Variants in KCTD8 observed in about 807,000 individuals in gnomAD.
KCTD8 encodes potassium channel tetramerization domain containing 8, also known as BTB/POZ domain-containing protein KCTD8.
KCTD8 carries 27 observed loss-of-function variants against 31.5 expected under a neutral mutation model. The ratio of observed to expected loss-of-function variants is 0.86; its 90% CI spans 0.63 to 1.18. KCTD8 has a LOEUF of 1.18. Ranked by LOEUF, KCTD8 falls within the 50% of genes most tolerant of loss-of-function variation. The pLI is 0.00. For missense variants in KCTD8, 658 were observed against 647.7 expected (o/e 1.02, Z -0.17); for synonymous variants, 290 against 280.0 (o/e 1.04, Z -0.36).
intron 1 of KCTD8, among the ~76,000 whole-genome samples, chr4:44,231,971 A>G (rs1022323242): frequency 6.6e-6 from 1 of 152,184 alleles, no homozygotes. Context: ...ATAATGGAGT[A>G]AACAGCTTGA....
intron 1 of KCTD8, among the ~76,000 whole-genome samples, chr4:44,257,365 GA>G (rs1206067526): frequency 6.6e-6 from 1 of 151,880 alleles, no homozygotes; most frequent in Non-Finnish European, 1.5e-5. Flanking sequence ...TAAGTTAATC[GA>G]AAATATTAAC....
chr4:44,204,859 TA>T (rs1714256254), intron 1 of KCTD8, among the ~76,000 whole-genome samples: 1 of 151,994 alleles, frequency 6.6e-6, no homozygotes, highest in Non-Finnish European at 1.5e-5. Flanking sequence ...ATGGTTTATC[TA>T]AAACTGGAAA....
chr4:44,211,800 C>A (rs1714492158), intron 1 of KCTD8, among the ~76,000 whole-genome samples: 1 of 151,708 alleles, frequency 6.6e-6, no homozygotes, highest in Non-Finnish European at 1.5e-5. Context: ...AAAAATATCC[C>A]CAATGTTAGT....
chr4:44,221,915 C>T (rs1338703168), intron 1 of KCTD8, among the ~76,000 whole-genome samples: 1 of 152,100 alleles, frequency 6.6e-6, no homozygotes, highest in African/African-American at 2.4e-5. Flanking sequence ...TCATTCAATC[C>T]AATCAAGTTG....
intron 1 of KCTD8, among the ~76,000 whole-genome samples, chr4:44,366,351 C>T (rs1295223926): frequency 6.6e-6 from 1 of 152,100 alleles, no homozygotes; most frequent in Non-Finnish European, 1.5e-5. Context: ...GTGGATTTCC[C>T]TTTTGCTGTT....
intron 1 of KCTD8, among the ~76,000 whole-genome samples, chr4:44,411,225 G>C (rs972976792): frequency 1.3e-5 from 2 of 151,884 alleles, no homozygotes; most frequent in African/African-American, 4.8e-5. Flanking sequence ...TCTACAAAAA[G>C]TAGTTAACCA....
Position 44,364,114 on chromosome 4 carries a change from G to T in KCTD8, c.961+83449C>A, listed in dbSNP as rs538451334. On this transcript the variant is annotated intron_variant, in intron 1 of 1. Transcript: ENST00000360029. ...AAATCAAAATTAAAAACTTCTGTTTGTCAAAAGACAATGTTAAGACAATGA... is the reference window on the plus strand; with the variant it reads ...AAATCAAAATTAAAAACTTCTGTTTTTCAAAAGACAATGTTAAGACAATGA... Among the ~76,000 whole-genome samples, 10 of 152,130 alleles carry T rather than the reference G, an allele frequency of 6.6e-5. No homozygotes were observed. The South Asian group carries it at 2.1e-3, about 31-fold the overall frequency.
At chr4:44,282,915 T>C (rs1170740211) in intron 1 of KCTD8, among the ~76,000 whole-genome samples, 2 of 151,912 alleles carry the variant, frequency 1.3e-5, no homozygotes, top group African/African-American at 4.8e-5. Context: ...ACTATTTCTA[T>C]AACAGAAAAA....
At chr4:44,394,162 C>T (rs956720834) in intron 1 of KCTD8, among the ~76,000 whole-genome samples, 86 of 151,966 alleles carry the variant, frequency 5.7e-4, no homozygotes, top group Non-Finnish European at 9.9e-4. Flanking sequence ...TCAAATGATT[C>T]AGAACAAAAA....
rs546240900 is a variant in KCTD8, at chr4:44,340,608, C to T, written c.961+106955G>A. Among the ~76,000 whole-genome samples, 6 of 152,000 alleles carry T rather than the reference C, an allele frequency of 3.9e-5. No homozygotes were observed. In the South Asian group the frequency reaches 8.3e-4, roughly 21 times the overall value. On this transcript the variant is annotated intron_variant, in intron 1 of 1. Coordinates refer to ENST00000360029, the MANE Select transcript of KCTD8 (RefSeq NM_198353.3). ...ACAGGCGTGAGCCACCACGCCCGGCCGACATATGTACATTTTAAAGATCGA... is the reference window on the plus strand; with the variant it reads ...ACAGGCGTGAGCCACCACGCCCGGCTGACATATGTACATTTTAAAGATCGA...
At chr4:44,184,199 G>C (rs1713512662) in intron 1 of KCTD8, among the ~76,000 whole-genome samples, 1 of 152,122 alleles carries the variant, frequency 6.6e-6, no homozygotes, top group South Asian at 2.1e-4. Flanking sequence ...AATAAAAAGA[G>C]GCTGATTTGT....
intron 1 of KCTD8, among the ~76,000 whole-genome samples, chr4:44,355,066 T>C (rs1719307014): frequency 6.6e-6 from 1 of 152,136 alleles, no homozygotes; most frequent in South Asian, 2.1e-4. Context: ...AACTAAATAT[T>C]CAAGTAGAAA....
intron 1 of KCTD8, among the ~76,000 whole-genome samples, chr4:44,422,050 T>C (rs1019600918): frequency 6.6e-6 from 1 of 152,144 alleles, no homozygotes; most frequent in Non-Finnish European, 1.5e-5. Flanking sequence ...TACATTTCTA[T>C]ACTTAATGTA....
chr4:44,439,772 T>A (rs557721561), intron 1 of KCTD8, among the ~76,000 whole-genome samples: 2 of 152,040 alleles, frequency 1.3e-5, no homozygotes, highest in Non-Finnish European at 2.9e-5. Context: ...GCATCTAAGA[T>A]TTTTTTAAAG....
intron 1 of KCTD8, among the ~76,000 whole-genome samples, chr4:44,244,730 C>A (rs1341437013): frequency 1.3e-5 from 2 of 151,958 alleles, no homozygotes; most frequent in Non-Finnish European, 2.9e-5. Flanking sequence ...AAAGATGCTA[C>A]ACAGAGAGAC....
intron 1 of KCTD8, among the ~76,000 whole-genome samples, chr4:44,399,015 A>C (rs1285378192): frequency 6.6e-6 from 1 of 152,198 alleles, no homozygotes; most frequent in Non-Finnish European, 1.5e-5. Context: ...AAAACCTTCA[A>C]GAATGCCTTC....
intron 1 of KCTD8, among the ~76,000 whole-genome samples, chr4:44,267,133 C>T (rs1716404480): frequency 6.6e-6 from 1 of 152,118 alleles, no homozygotes; most frequent in African/African-American, 2.4e-5. Context: ...AAATTGACCA[C>T]ATACTTGGAA....
chr4:44,350,535 T>C (rs998746460), intron 1 of KCTD8, among the ~76,000 whole-genome samples: 1 of 152,168 alleles, frequency 6.6e-6, no homozygotes, highest in African/African-American at 2.4e-5. Flanking sequence ...ACACTTGAAA[T>C]AGCAGCTCCT....
chr4:44,349,131 C>T (rs1242285792), intron 1 of KCTD8, among the ~76,000 whole-genome samples: 1 of 150,444 alleles, frequency 6.6e-6, no homozygotes, highest in Non-Finnish European at 1.5e-5. Context: ...TTACCAACAG[C>T]TCTAGCAACC....
Sources: gnomAD v4.1 joint callset for allele counts (sites outside exome capture counted in the v4.1 genomes callset) on GRCh38, gnomAD v4.1.1 for gene constraint, MANE v1.5 for transcripts, NCBI Gene and HGNC (gene_info 2026-07-23, HGNC 2026-07-21) for gene names.